Variants in NVL observed in about 807,000 individuals in gnomAD.
NVL encodes the protein nuclear valosin-containing protein-like.
A neutral mutation model predicts 110.2 loss-of-function variants in NVL; 84 were observed. That is an observed-to-expected ratio of 0.76 (90% CI 0.64 to 0.91). The LOEUF (loss-of-function observed/expected upper bound fraction) is 0.91. NVL is among the 40% of genes least tolerant of loss of function. NVL has a pLI of 0.00. For synonymous variants in NVL, 354 were observed against 361.1 expected, an observed-to-expected ratio of 0.98 and a Z score of 0.22; for missense variants, 882 against 1,035.9, an observed-to-expected ratio of 0.85 and a Z score of 2.04.
At chr1:224,291,354 C>T (rs1358459372) in intron 12 of NVL, among the ~76,000 whole-genome samples, 8 of 152,164 alleles carry the variant, frequency 5.3e-5, no homozygotes, top group Admixed American at 2.6e-4. Flanking sequence ...TATAGGCATG[C>T]GCCAATGAAT....
In NVL at chr1:224,231,300, T is replaced by C. The variant is rs760891840; in HGVS notation, c.2456-4A>G. On this transcript the variant is annotated splice_region_variant and splice_polypyrimidine_tract_variant and intron_variant, in intron 21 of 22. Transcript: ENST00000281701. ...TTATGACTAACCTTGAGTTCACCTA[T>C]GGAGTAAATGCACAAATATACACAT... The C allele has an allele frequency of 5.6e-6, 9 of 1,609,360 alleles. No individual in the cohort carries two copies. Among genetic ancestry groups the C allele is most frequent in the Non-Finnish European group, 6.8e-6 (8 of 1,177,046 alleles).
chr1:224,257,038 T>C, intron 18 of NVL: 3 of 529,066 alleles, frequency 5.7e-6, no homozygotes, highest in South Asian at 2.8e-5. Flanking sequence ...CAGAATTCTT[T>C]TTTTTTCCTT....
At chr1:224,238,623 T>C (rs570726052) in intron 19 of NVL, among the ~76,000 whole-genome samples, 3 of 152,338 alleles carry the variant, frequency 2.0e-5, no homozygotes. Flanking sequence ...ACACAAACTA[T>C]GATCTTAGGC....
intron 2 of NVL, among the ~76,000 whole-genome samples, chr1:224,323,763 C>G (rs769640853): frequency 2.0e-5 from 3 of 152,218 alleles, no homozygotes; most frequent in Non-Finnish European, 4.4e-5. Context: ...TCCTAGGTAA[C>G]AGGGCAGGAT....
rs1665635513 is a variant in NVL at position 224,275,211 on chromosome 1, T to C, written c.2082+128A>G. The C allele has an allele frequency of 3.8e-6, 4 of 1,047,244 alleles. No individual in the cohort carries two copies. In the South Asian group the frequency reaches 4.7e-5, roughly 12 times the overall value. 64.9% of individuals were successfully genotyped at this position (1,047,244 alleles called of 1,614,324 possible). On this transcript the variant is annotated intron_variant, in intron 17 of 22. Coordinates refer to ENST00000281701, the MANE Select transcript of NVL (RefSeq NM_002533.4). Reference sequence around the variant, plus strand: ...CTATCTCTAGGATTTGATTTCAAATTACTAAGTGTCTTCATTAAGAGTCTC... The same window carrying C: ...CTATCTCTAGGATTTGATTTCAAATCACTAAGTGTCTTCATTAAGAGTCTC...
At chr1:224,296,943 T>G (rs1667938583) in intron 10 of NVL, among the ~76,000 whole-genome samples, 1 of 152,164 alleles carries the variant, frequency 6.6e-6, no homozygotes, top group African/African-American at 2.4e-5. Flanking sequence ...AACAATGATT[T>G]TGGATAAGCA....
chr1:224,264,185 C>T (rs576093344), intron 18 of NVL, among the ~76,000 whole-genome samples: 190 of 152,200 alleles, frequency 1.2e-3, no homozygotes, highest in Non-Finnish European at 2.0e-3. Context: ...AGATGAACCA[C>T]CCAGACAAGC....
At chr1:224,253,023 T>C (rs1662680934) in intron 18 of NVL, among the ~76,000 whole-genome samples, 2 of 152,170 alleles carry the variant, frequency 1.3e-5, no homozygotes, top group South Asian at 4.1e-4. Flanking sequence ...CATGTGTCAG[T>C]AATTTTCTTG....
At chr1:224,262,706 C>T (rs1399162081) in intron 18 of NVL, among the ~76,000 whole-genome samples, 2 of 151,954 alleles carry the variant, frequency 1.3e-5, no homozygotes, top group Admixed American at 6.6e-5. Flanking sequence ...TAAATAACAT[C>T]GACAGCTGTA....
chr1:224,275,318 C>CA (rs770254441), intron 17 of NVL, 21 bp downstream of exon 17: 5 of 1,613,806 alleles, frequency 3.1e-6, no homozygotes, highest in Non-Finnish European at 4.2e-6. Context: ...AATCTGAAAA[C>CA]CACTAGTCCA....
chr1:224,317,103 C>A (rs1325381991), intron 4 of NVL, among the ~76,000 whole-genome samples: 2 of 149,864 alleles, frequency 1.3e-5, no homozygotes, highest in East Asian at 3.9e-4. Flanking sequence ...GGTGCCACTG[C>A]ACTCCAGCCT....
intron 22 of NVL, 79 bp downstream of exon 22, chr1:224,231,147 A>AT: frequency 1.0e-6 from 1 of 968,224 alleles, no homozygotes; most frequent in Non-Finnish European, 1.6e-6. Flanking sequence ...AAAAAAAAAA[A>AT]GAGTTTAATT....
intron 18 of NVL, among the ~76,000 whole-genome samples, chr1:224,264,228 C>T (rs1664264717): frequency 6.6e-6 from 1 of 151,750 alleles, no homozygotes; most frequent in Non-Finnish European, 1.5e-5. Flanking sequence ...AAATTGTGAG[C>T]CAAATAAAAA....
chr1:224,296,473 T>C, intron 11 of NVL, 28 bp downstream of exon 11: 2 of 1,205,594 alleles, frequency 1.7e-6, no homozygotes, highest in Non-Finnish European at 2.3e-6. Flanking sequence ...TTTATTCTCT[T>C]AAAATGAATT....
intron 6 of NVL, among the ~76,000 whole-genome samples, chr1:224,307,368 C>T (rs890057733): frequency 1.3e-5 from 2 of 152,076 alleles, no homozygotes; most frequent in South Asian, 2.1e-4. Context: ...CTGTCACAGG[C>T]CTTTGGATTT....
chr1:224,233,241 C>T lies in NVL; in HGVS notation c.2415G>A (p.Leu805=). The T allele has an allele frequency of 6.2e-7, 1 of 1,613,264 alleles. No individual in the cohort carries two copies. Among genetic ancestry groups the T allele is most frequent in the Non-Finnish European group, 8.5e-7 (1 of 1,179,790 alleles). ...TCTTCTGTCTTGCCATTTCCTGTCT[C>T]AGGGCACAGATAGAAGCTTCTCGTA... is the stretch of plus-strand genomic sequence containing the variant. ...ALVREASICA[L]RQEMARQKSG... The change falls in exon 21 of 23, where the codon CTG becomes CTA. Residue 805 remains leucine, a synonymous_variant. Transcript: ENST00000281701.
chr1:224,236,577 A>G lies in NVL; in HGVS notation c.2295T>C (p.Gly765=). 1 of 1,613,100 alleles carries G rather than the reference A, an allele frequency of 6.2e-7. No individual in the cohort carries two copies. The highest frequency in any genetic ancestry group is 1.6e-4 in the Middle Eastern group (1 of 6,062). The change falls in exon 20 of 23, where the codon GGT becomes GGC. Residue 765 remains glycine (G), a synonymous_variant. Coordinates refer to ENST00000281701, the MANE Select transcript of NVL (RefSeq NM_002533.4). The part of the protein sequence containing the change: ...LAILKTITKN[G]TKPPLDADVN... ...CATCTGCATCCAGTGGTGGTTTGGT[A>G]CCATTCTAAGTAAGAGAGAAAAATG...
intron 9 of NVL, among the ~76,000 whole-genome samples, chr1:224,302,238 T>C (rs2102691504): frequency 6.6e-6 from 1 of 152,264 alleles, no homozygotes; most frequent in Middle Eastern, 3.4e-3. Context: ...GTCTGGCTCT[T>C]GTTGCCCAAG....
intron 15 of NVL, among the ~76,000 whole-genome samples, chr1:224,283,446 C>T (rs1334930684): frequency 2.0e-5 from 3 of 152,072 alleles, no homozygotes; most frequent in Admixed American, 1.3e-4. Context: ...AAGGTTGTGC[C>T]ACTGCACTCC....
Sources: gnomAD v4.1 joint callset for allele counts (sites outside exome capture counted in the v4.1 genomes callset) on GRCh38, gnomAD v4.1.1 for gene constraint, MANE v1.5 for transcripts, NCBI Gene and HGNC (gene_info 2026-07-23, HGNC 2026-07-21) for gene names.